TBC1D1: variants seen among roughly 807,000 people sequenced by gnomAD.
TBC1D1 encodes the protein TBC1 domain family member 1.
In TBC1D1, 89 loss-of-function variants were observed where a neutral mutation model predicts 125.6. The ratio of observed to expected loss-of-function variants is 0.71; its 90% CI spans 0.60 to 0.85. TBC1D1 has a LOEUF of 0.85. Among genes scored for constraint, TBC1D1 ranks in the 40% least tolerant of loss-of-function variants. TBC1D1 has a pLI of 0.00. For missense variants in TBC1D1, 1,377 were observed against 1,469.2 expected, an observed-to-expected ratio of 0.94 and a Z score of 1.03; for synonymous variants, 565 against 564.1, an observed-to-expected ratio of 1.00 and a Z score of -0.02.
intron 13 of TBC1D1, among the ~76,000 whole-genome samples, chr4:38,095,322 CT>C (rs1218915241): frequency 1.3e-5 from 2 of 152,166 alleles, no homozygotes; most frequent in Non-Finnish European, 2.9e-5. Flanking sequence ...TTACTCCCCC[CT>C]GGGCTTGATA....
chr4:37,905,875 T>C (rs1717198540), intron 2 of TBC1D1, among the ~76,000 whole-genome samples: 1 of 152,232 alleles, frequency 6.6e-6, no homozygotes, highest in Non-Finnish European at 1.5e-5. Context: ...TTCAGGATCT[T>C]GATCCCACCC....
intron 1 of TBC1D1, among the ~76,000 whole-genome samples, chr4:37,891,549 G>A (rs1035120609): frequency 9.7e-5 from 1 of 10,316 alleles, no homozygotes; most frequent in Non-Finnish European, 2.1e-4. Flanking sequence ...CCCCACCCCC[G>A]CCGCCCTTGG....
chr4:37,960,983 C>G lies in TBC1D1; in HGVS notation c.418-53526C>G, dbSNP rs62000398. 7.7e-4 allele frequency: 1,237 copies of G among 1,614,122 alleles called. 8 individuals are homozygous for G. In the African/African-American group the frequency reaches 0.015, roughly 20 times the overall value. ...AATGCAATCTGTTTGCAGTCTCCTT[C>G]AAGCATTCTGTCGACCCTGGATGTT... On this transcript the variant is annotated intron_variant, in intron 2 of 19. Transcript: ENST00000261439.
At chr4:37,909,888 G>A (rs976892227) in intron 2 of TBC1D1, among the ~76,000 whole-genome samples, 6 of 152,178 alleles carry the variant, frequency 3.9e-5, no homozygotes, top group Non-Finnish European at 8.8e-5. Context: ...GCACTTGACT[G>A]TCTGTCACAC....
chr4:37,980,992 G>T (rs1734233189), intron 2 of TBC1D1, among the ~76,000 whole-genome samples: 1 of 151,898 alleles, frequency 6.6e-6, no homozygotes. Context: ...GCCCAGGCTG[G>T]TGTGCAGTGG....
intron 8 of TBC1D1, among the ~76,000 whole-genome samples, chr4:38,038,992 C>T (rs1241503978): frequency 2.6e-5 from 4 of 151,014 alleles, no homozygotes; most frequent in South Asian, 4.2e-4. Context: ...GCCCTATATT[C>T]GTCTTCTAGT....
At chr4:38,128,673 G>A (rs981636234) in intron 18 of TBC1D1, among the ~76,000 whole-genome samples, 1 of 152,216 alleles carries the variant, frequency 6.6e-6, no homozygotes, top group Admixed American at 6.5e-5. Flanking sequence ...CTGGAGCTCT[G>A]GCTCAATGTG....
At chr4:38,051,585 C>G (rs9991524) in intron 11 of TBC1D1, among the ~76,000 whole-genome samples, 1 of 151,782 alleles carries the variant, frequency 6.6e-6, no homozygotes, top group Non-Finnish European at 1.5e-5. Context: ...TCACAGTCAG[C>G]TGTGATCGTG....
chr4:38,051,994 C>T, intron 11 of TBC1D1: 1 of 1,550,994 alleles, frequency 6.4e-7, no homozygotes, highest in Non-Finnish European at 8.7e-7. Flanking sequence ...GCCTCCTCGC[C>T]AAACTTTTTT....
chr4:37,990,336 T>C (rs560462078), intron 2 of TBC1D1, among the ~76,000 whole-genome samples: 1 of 151,974 alleles, frequency 6.6e-6, no homozygotes, highest in East Asian at 1.9e-4. Flanking sequence ...TTTTTTAAGC[T>C]AATCAACTAT....
At chr4:38,070,152 C>G (rs1347160005) in intron 12 of TBC1D1, among the ~76,000 whole-genome samples, 1 of 152,180 alleles carries the variant, frequency 6.6e-6, no homozygotes, top group South Asian at 2.1e-4. Flanking sequence ...AGCTTTGTAA[C>G]AGTTAGTGGT....
At position 37,972,474 on chromosome 4, in the gene TBC1D1, G is replaced by A. The variant is rs947000990; in HGVS notation, c.418-42035G>A. Among the ~76,000 whole-genome samples the A allele has an allele frequency of 2.1e-4, 20 of 96,208 alleles. 1 individual carries two copies. Among genetic ancestry groups the A allele is most frequent in the South Asian group, 1.1e-3 (3 of 2,846 alleles). The allele number at this position is 96,208 out of a possible 152,430, so 63.1% of individuals were successfully genotyped here. ...CCAGCCTGGGCAACAAAAGGGAAACGCCGTTTCAAAAAAAAAAAAAAAAAA... is the reference window on the plus strand; with the variant it reads ...CCAGCCTGGGCAACAAAAGGGAAACACCGTTTCAAAAAAAAAAAAAAAAAA... On this transcript the variant is annotated intron_variant, in intron 2 of 19. Transcript: ENST00000261439.
chr4:38,074,469 C>T (rs931367688), intron 12 of TBC1D1, among the ~76,000 whole-genome samples: 1 of 152,168 alleles, frequency 6.6e-6, no homozygotes, highest in African/African-American at 2.4e-5. Flanking sequence ...TGCTGGCCCT[C>T]AGAATTTAAG....
chr4:37,952,138 G>A, intron 2 of TBC1D1: 1 of 713,560 alleles, frequency 1.4e-6, no homozygotes, highest in Non-Finnish European at 2.6e-6. Flanking sequence ...CAGTCATGAT[G>A]AACCCAGCAG....
At chr4:38,132,190 T>G (rs1192135717) in intron 18 of TBC1D1, among the ~76,000 whole-genome samples, 7 of 152,146 alleles carry the variant, frequency 4.6e-5, no homozygotes, top group South Asian at 2.1e-4. Context: ...GCAGGGTTTT[T>G]TTTTTTTTTC....
chr4:38,091,435 A>C (rs1317558557), intron 13 of TBC1D1, among the ~76,000 whole-genome samples: 1 of 152,202 alleles, frequency 6.6e-6, no homozygotes, highest in Non-Finnish European at 1.5e-5. Flanking sequence ...TTAAAAGCAG[A>C]TGTCTAAAAG....
chr4:38,110,467 CG>C (rs1762022659), intron 15 of TBC1D1: 1 of 985,266 alleles, frequency 1.0e-6, no homozygotes, highest in East Asian at 1.1e-4. Flanking sequence ...GAAGAACATC[CG>C]TTAGATGAGC....
intron 11 of TBC1D1, among the ~76,000 whole-genome samples, chr4:38,052,714 G>GCA (rs1750892238): frequency 4.7e-5 from 2 of 42,580 alleles, no homozygotes; most frequent in African/African-American, 1.0e-4. Context: ...ACACACACAC[G>GCA]CGCGCGCGCG....
At position 38,124,987 on chromosome 4, in the gene TBC1D1, G is replaced by A. The variant is rs1442710026; in HGVS notation, c.2988G>A (p.Glu996=). The A allele has an allele frequency of 6.2e-7, 1 of 1,613,896 alleles. No individual in the cohort carries two copies. Among genetic ancestry groups the A allele is most frequent in the African/African-American group, 1.3e-5 (1 of 74,868 alleles). Residue 996 remains glutamate (E), a synonymous_variant, in exon 18 of 20, where the codon GAG becomes GAA. Transcript: ENST00000261439. ...ATATGATTTTTCTTCAGGGAACAGA[G>A]GTCATATTTAAAGTGGCTTTAAGTC...
Sources: gnomAD v4.1 joint callset for allele counts (sites outside exome capture counted in the v4.1 genomes callset) on GRCh38, gnomAD v4.1.1 for gene constraint, MANE v1.5 for transcripts, NCBI Gene and HGNC (gene_info 2026-07-23, HGNC 2026-07-21) for gene names.